DEDD2: variants seen among roughly 807,000 people sequenced by gnomAD.
DEDD2 encodes death effector domain containing 2.
Under a neutral mutation model 28.9 loss-of-function variants are expected in DEDD2, and 18 were observed. The ratio of observed to expected loss-of-function variants is 0.62; its 90% CI spans 0.43 to 0.92. The LOEUF (loss-of-function observed/expected upper bound fraction) is 0.92, where lower values mean the gene tolerates loss of function less well. DEDD2 is among the 40% of genes least tolerant of loss of function. The probability of loss-of-function intolerance (pLI) is 0.00; values close to 1 mark genes in which losing one functional copy is unlikely to be tolerated. For synonymous variants in DEDD2, 211 were observed against 206.1 expected (o/e 1.02, Z -0.20); for missense variants, 411 against 463.3 (o/e 0.89, Z 1.04).
rs541654723 is a variant in DEDD2, at chr19:42,214,702, G to A, written c.448+431C>T. On this transcript the variant is annotated intron_variant, in intron 3 of 4. Transcript: ENST00000596251. ...AGCTTGAGCCCAGGAGTTCAAGGCCGCAGAGAGCTATGATTTCATCACTGC... is the reference window on the plus strand; with the variant it reads ...AGCTTGAGCCCAGGAGTTCAAGGCCACAGAGAGCTATGATTTCATCACTGC... Among the ~76,000 whole-genome samples, 4 of 152,216 alleles carry A rather than the reference G, an allele frequency of 2.6e-5. No individual in the cohort carries two copies. In the South Asian group the frequency reaches 6.2e-4, roughly 24 times the overall value.
chr19:42,215,397 G>T, intron 2 of DEDD2, 145 bp from the exon 3 acceptor site: 1 of 1,033,508 alleles, frequency 9.7e-7, no homozygotes, highest in Non-Finnish European at 1.4e-6. Flanking sequence ...CTCCTGCAGA[G>T]GTTGCTCAGA....
chr19:42,213,103 A>G (rs1005479442), intron 3 of DEDD2, among the ~76,000 whole-genome samples: 1 of 152,162 alleles, frequency 6.6e-6, no homozygotes, highest in African/African-American at 2.4e-5. Context: ...AGTGCCACAA[A>G]GCAGGAAGCA....
intron 3 of DEDD2, among the ~76,000 whole-genome samples, chr19:42,212,943 C>G (rs1478517561): frequency 5.3e-5 from 8 of 152,170 alleles, no homozygotes; most frequent in South Asian, 2.1e-4. Flanking sequence ...TTTGAAAAGT[C>G]AAGTCTCTAA....
rs996332716 is a variant in DEDD2 at position 42,199,587 on chromosome 19, C to T, written c.832G>A (p.Val278Met). Reference protein sequence around the residue: ...SGALLQALRGVFLTEALREAV... With the variant: ...SGALLQALRGMFLTEALREAV... ...TCTCGCAGGGCCTCAGTCAGGAACA[C>T]GCCCCGCAGGGCCTGCAGCAGGGCG... is the stretch of plus-strand genomic sequence containing the variant. The change falls in exon 5 of 5, where the codon GTG becomes ATG. Residue 278 changes from valine (V) to methionine (M), a missense_variant. Around this residue, in one of 2 missense-constraint regions of DEDD2, gnomAD observed 129 missense variants for 189.9 expected, o/e 0.68. Coordinates refer to ENST00000596251, the MANE Select transcript of DEDD2 (RefSeq NM_133328.4). The surrounding 1 kb of genome is among the most constrained non-coding windows in gnomAD (Gnocchi z 7.4). 3.7e-6 allele frequency: 6 copies of T among 1,613,970 alleles called. No individual in the cohort carries two copies. Among genetic ancestry groups the T allele is most frequent in the Admixed American group, 1.7e-5 (1 of 60,004 alleles).
intron 3 of DEDD2, among the ~76,000 whole-genome samples, chr19:42,214,777 G>GA (rs1309387848): frequency 2.0e-5 from 3 of 151,676 alleles, no homozygotes; most frequent in African/African-American, 2.4e-5. Context: ...AAGCCAAACA[G>GA]AAAAAAACAA....
At chr19:42,209,194 T>A (rs1193392081) in intron 4 of DEDD2, among the ~76,000 whole-genome samples, 1 of 151,000 alleles carries the variant, frequency 6.6e-6, no homozygotes. Flanking sequence ...TAAGCCAAGA[T>A]CACACCACTG....
At chr19:42,217,915 C>A (rs896954494), upstream of DEDD2, among the ~76,000 whole-genome samples, 22 of 152,200 alleles carry the variant, frequency 1.4e-4, no homozygotes, top group Admixed American at 2.0e-4. Flanking sequence ...TATCTGGTAC[C>A]CGGTTCCAGG....
intron 4 of DEDD2, among the ~76,000 whole-genome samples, chr19:42,209,201 A>T (rs2035649537): frequency 6.6e-6 from 1 of 151,992 alleles, no homozygotes; most frequent in South Asian, 2.1e-4. Flanking sequence ...AGATCACACC[A>T]CTGCACTCCA....
intron 3 of DEDD2, among the ~76,000 whole-genome samples, chr19:42,211,192 C>CA (rs907693564): frequency 4.1e-4 from 63 of 151,820 alleles, no homozygotes; most frequent in African/African-American, 1.5e-3. Context: ...GGAACCCGGG[C>CA]AACATGGAAA....
intron 4 of DEDD2, among the ~76,000 whole-genome samples, chr19:42,207,632 A>G (rs1359674917): frequency 2.0e-5 from 3 of 152,004 alleles, no homozygotes; most frequent in South Asian, 2.1e-4. Context: ...CTTGCCCACT[A>G]TAACGTAAAC....
At chr19:42,207,710 G>C (rs2035588673) in intron 4 of DEDD2, among the ~76,000 whole-genome samples, 1 of 152,124 alleles carries the variant, frequency 6.6e-6, no homozygotes, top group East Asian at 1.9e-4. Context: ...ACAGTGCTTG[G>C]CATAAAGATG....
intron 2 of DEDD2, 110 bp downstream of exon 2, chr19:42,216,570 G>T: frequency 9.2e-7 from 1 of 1,092,078 alleles, no homozygotes; most frequent in Non-Finnish European, 1.3e-6. Flanking sequence ...TAGCAGAATG[G>T]GACATAAGCT....
At chr19:42,211,420 A>AGAGGGACGGAGG (rs1313279944) in intron 3 of DEDD2, among the ~76,000 whole-genome samples, 20 of 97,308 alleles carry the variant, frequency 2.1e-4, no homozygotes, top group African/African-American at 8.3e-4. Flanking sequence ...AGGAAGGGAG[A>AGAGGGACGGAGG]GAGGGACGGA....
intron 2 of DEDD2, 95 bp from the exon 3 acceptor site, chr19:42,215,347 C>G: frequency 6.6e-7 from 1 of 1,519,800 alleles, no homozygotes; most frequent in East Asian, 2.3e-5. Context: ...CCTAAGTTCC[C>G]CAGTAGTCAG....
At chr19:42,206,783 TGAG>T (rs1275231636) in intron 4 of DEDD2, among the ~76,000 whole-genome samples, 2 of 152,142 alleles carry the variant, frequency 1.3e-5, no homozygotes, top group Non-Finnish European at 2.9e-5. Flanking sequence ...GTATCACAGG[TGAG>T]GAAGAGTCAA....
chr19:42,208,044 C>A (rs918624147), intron 4 of DEDD2, among the ~76,000 whole-genome samples: 1 of 152,222 alleles, frequency 6.6e-6, no homozygotes, highest in East Asian at 1.9e-4. Context: ...ACTCACAATA[C>A]CCGTGCCACC....
rs753492741 is a variant in DEDD2, at chr19:42,199,858, A to C, written c.590-29T>G. On this transcript the variant is annotated intron_variant, in intron 4 of 4. Coordinates refer to ENST00000596251, the MANE Select transcript of DEDD2 (RefSeq NM_133328.4). This position sits in a 1 kb window ranked among gnomAD's most constrained non-coding sequence, Gnocchi z 7.4. ...CAGGGGAAGGAGGGATTTGTCAGGGAGGGGGCCAACACTAGACACACTTAT... is the reference window on the plus strand; with the variant it reads ...CAGGGGAAGGAGGGATTTGTCAGGGCGGGGGCCAACACTAGACACACTTAT... 1.3e-6 allele frequency: 2 copies of C among 1,559,698 alleles called. No homozygotes were observed. The highest frequency in any genetic ancestry group is 3.8e-5 in the Admixed American group (2 of 52,146).
intron 3 of DEDD2, among the ~76,000 whole-genome samples, chr19:42,213,646 G>T (rs2035850331): frequency 6.6e-6 from 1 of 152,148 alleles, no homozygotes; most frequent in Admixed American, 6.5e-5. Flanking sequence ...AAATGTAAGG[G>T]AAAGAGGGAC....
chr19:42,215,032 G>C, intron 3 of DEDD2, 101 bp downstream of exon 3: 21 of 1,463,572 alleles, frequency 1.4e-5, no homozygotes, highest in Non-Finnish European at 1.9e-5. Flanking sequence ...CACACACACA[G>C]TGAAAATGAG....
Sources: allele counts gnomAD v4.1 joint callset (sites outside exome capture counted in the v4.1 genomes callset), GRCh38; gene constraint gnomAD v4.1.1; regional missense constraint gnomAD v4.1.1; non-coding constraint Gnocchi (gnomAD v3.1); transcripts MANE v1.5; gene names NCBI Gene and HGNC (gene_info 2026-07-23, HGNC 2026-07-21).